Variants in PLEKHA5 observed in about 807,000 individuals in gnomAD.
PLEKHA5 encodes the protein pleckstrin homology domain containing A5.
Under a neutral mutation model 181.9 loss-of-function variants are expected in PLEKHA5, and 55 were observed. The ratio of observed to expected loss-of-function variants is 0.30; its 90% CI spans 0.24 to 0.38. PLEKHA5 has a LOEUF of 0.38. Ranked by LOEUF, PLEKHA5 falls within the 10% of genes least tolerant of loss-of-function variation. PLEKHA5 has a pLI of 1.00. For missense variants in PLEKHA5, 1,432 were observed against 1,549.5 expected (o/e 0.92, Z 1.27); for synonymous variants, 535 against 529.4 (o/e 1.01, Z -0.15).
chr12:19,341,491 C>T (rs369946303), intron 21 of PLEKHA5, among the ~76,000 whole-genome samples: 211 of 152,030 alleles, frequency 1.4e-3, no homozygotes, highest in Middle Eastern at 3.4e-3. Context: ...TCCTCTGTGT[C>T]AGTATTTACA....
chr12:19,236,139 T>G (rs1328113738), intron 3 of PLEKHA5, among the ~76,000 whole-genome samples: 1 of 152,194 alleles, frequency 6.6e-6, no homozygotes, highest in Non-Finnish European at 1.5e-5. Flanking sequence ...TATAGTTTTA[T>G]TTCCTTCTGT....
At chr12:19,335,582 ATTTT>A (rs34158055) in intron 20 of PLEKHA5, among the ~76,000 whole-genome samples, 2 of 107,994 alleles carry the variant, frequency 1.9e-5, no homozygotes, top group Admixed American at 1.0e-4. Context: ...CGCCTGGCTA[ATTTT>A]TTTTTTTTTT....
At chr12:19,355,617 C>CA (rs1307535357) in intron 26 of PLEKHA5, among the ~76,000 whole-genome samples, 1 of 150,178 alleles carries the variant, frequency 6.7e-6, no homozygotes, top group South Asian at 2.1e-4. Flanking sequence ...AAGTACATGC[C>CA]AAAAAAAACT....
intron 3 of PLEKHA5, among the ~76,000 whole-genome samples, chr12:19,189,227 G>T (rs2050526721): frequency 6.6e-6 from 1 of 152,194 alleles, no homozygotes; most frequent in East Asian, 1.9e-4. Flanking sequence ...GGACCAAGTA[G>T]CTTCATTGAA....
At chr12:19,132,170 G>A (rs1366627179) in intron 2 of PLEKHA5, among the ~76,000 whole-genome samples, 1 of 152,066 alleles carries the variant, frequency 6.6e-6, no homozygotes, top group Non-Finnish European at 1.5e-5. Flanking sequence ...TGTGTGCTCA[G>A]GTCAGATAAT....
At chr12:19,276,738 T>G (rs570904358) in intron 11 of PLEKHA5, among the ~76,000 whole-genome samples, 79 of 152,274 alleles carry the variant, frequency 5.2e-4, no homozygotes, top group African/African-American at 1.9e-3. Flanking sequence ...ATTTGGTGCC[T>G]TTTACTGCAA....
intron 11 of PLEKHA5, among the ~76,000 whole-genome samples, chr12:19,279,885 C>T (rs929819954): frequency 8.6e-5 from 13 of 151,762 alleles, no homozygotes; most frequent in African/African-American, 3.1e-4. Flanking sequence ...ATGCTTTAAC[C>T]CACAAAGAGA....
intron 3 of PLEKHA5, among the ~76,000 whole-genome samples, chr12:19,234,574 C>T (rs1165213025): frequency 1.3e-5 from 2 of 152,094 alleles, no homozygotes; most frequent in Non-Finnish European, 2.9e-5. Flanking sequence ...CCTGCTGATT[C>T]GATGTATTGT....
intron 3 of PLEKHA5, among the ~76,000 whole-genome samples, chr12:19,233,004 ATC>A (rs1259323907): frequency 6.6e-6 from 1 of 152,182 alleles, no homozygotes; most frequent in Non-Finnish European, 1.5e-5. Flanking sequence ...ACCTCAGGTA[ATC>A]ATTAGGTGTG....
chr12:19,222,226 G>A (rs2059056986), intron 3 of PLEKHA5, among the ~76,000 whole-genome samples: 1 of 152,080 alleles, frequency 6.6e-6, no homozygotes, highest in African/African-American at 2.4e-5. Flanking sequence ...ATCAAAGAAA[G>A]ATCCTCAAAC....
intron 3 of PLEKHA5, among the ~76,000 whole-genome samples, chr12:19,178,703 C>T (rs2047869376): frequency 6.6e-6 from 1 of 152,150 alleles, no homozygotes; most frequent in African/African-American, 2.4e-5. Context: ...CTCATGACTT[C>T]ATTGCTTTTA....
intron 20 of PLEKHA5, among the ~76,000 whole-genome samples, chr12:19,324,997 A>C (rs2091758250): frequency 6.6e-6 from 1 of 152,280 alleles, no homozygotes; most frequent in Non-Finnish European, 1.5e-5. Flanking sequence ...TTTCCTTATC[A>C]ACTGGGATTA....
chr12:19,131,919 A>G (rs2034009255), intron 2 of PLEKHA5, among the ~76,000 whole-genome samples: 1 of 152,214 alleles, frequency 6.6e-6, no homozygotes, highest in African/African-American at 2.4e-5. Context: ...TTTTCCATTA[A>G]TTAAGTAGTT....
chr12:19,182,832 G>A (rs1249187377), intron 3 of PLEKHA5, among the ~76,000 whole-genome samples: 3 of 152,154 alleles, frequency 2.0e-5, no homozygotes, highest in Non-Finnish European at 4.4e-5. Flanking sequence ...ATAGGATAAG[G>A]TTTCTAAGGT....
chr12:19,253,480 A>G (rs1174723516), intron 3 of PLEKHA5, among the ~76,000 whole-genome samples: 1 of 152,092 alleles, frequency 6.6e-6, no homozygotes, highest in Non-Finnish European at 1.5e-5. Context: ...TTACACACAT[A>G]TACACTCTCA....
At chr12:19,208,136 G>A (rs1009826732) in intron 3 of PLEKHA5, among the ~76,000 whole-genome samples, 3 of 152,006 alleles carry the variant, frequency 2.0e-5, no homozygotes, top group Admixed American at 6.6e-5. Flanking sequence ...GGCCAGGTGT[G>A]GTGGCTCACA....
intron 3 of PLEKHA5, among the ~76,000 whole-genome samples, chr12:19,238,057 G>C (rs574125338): frequency 6.6e-6 from 1 of 151,850 alleles, no homozygotes; most frequent in South Asian, 2.1e-4. Flanking sequence ...GTGATTTCAA[G>C]GTCTTTTAGA....
intron 3 of PLEKHA5, among the ~76,000 whole-genome samples, chr12:19,252,187 C>A (rs894940042): frequency 6.6e-6 from 1 of 151,846 alleles, no homozygotes; most frequent in East Asian, 1.9e-4. Context: ...TATTGAGTTA[C>A]CCAAAAAAAT....
intron 15 of PLEKHA5, chr12:19,306,495 CTGTG>C: frequency 1.4e-6 from 1 of 707,580 alleles, no homozygotes; most frequent in Non-Finnish European, 2.7e-6. Context: ...CCCCTCCTTG[CTGTG>C]TGTTTGATGT....
Sources: allele counts gnomAD v4.1 joint callset (sites outside exome capture counted in the v4.1 genomes callset), GRCh38; gene constraint gnomAD v4.1.1; transcripts MANE v1.5; gene names NCBI Gene and HGNC (gene_info 2026-07-23, HGNC 2026-07-21).